KCND3: variants seen among roughly 807,000 people sequenced by gnomAD.
The protein encoded by KCND3 is A-type voltage-gated potassium channel KCND3.
Under a neutral mutation model 51.1 loss-of-function variants are expected in KCND3, and 9 were observed. The ratio of observed to expected loss-of-function variants is 0.18; its 90% confidence interval spans 0.11 to 0.31. The LOEUF is 0.31. Among genes scored for constraint, KCND3 ranks in the 10% least tolerant of loss-of-function variants. KCND3 has a pLI of 1.00. For missense variants in KCND3, 526 were observed against 903.8 expected, an observed-to-expected ratio of 0.58 and a Z score of 5.36; for synonymous variants, 349 against 368.0, an observed-to-expected ratio of 0.95 and a Z score of 0.59.
At chr1:111,915,743 A>G (rs528285402) in intron 2 of KCND3, among the ~76,000 whole-genome samples, 24 of 132,600 alleles carry the variant, frequency 1.8e-4, no homozygotes, top group Admixed American at 1.8e-3. Flanking sequence ...ACAAAGTGAG[A>G]CTCTGTCTCA....
At position 111,825,155 on chromosome 1, in the gene KCND3, A is replaced by G. The variant is rs538710678; in HGVS notation, c.1107-38049T>C. Among the ~76,000 whole-genome samples, 11 of 152,368 alleles carry G rather than the reference A, an allele frequency of 7.2e-5. No homozygotes were observed. The South Asian group carries it at 2.3e-3, about 32-fold the overall frequency. Reference sequence around the variant, plus strand: ...CATACACCACCTAAACTGCTTCAGCATTATTTGGAGTCATTCTGAGCCCAC... The same window carrying G: ...CATACACCACCTAAACTGCTTCAGCGTTATTTGGAGTCATTCTGAGCCCAC... On this transcript the variant is annotated intron_variant, in intron 2 of 7. Coordinates refer to ENST00000302127, the MANE Select transcript of KCND3 (RefSeq NM_001378969.1).
At chr1:111,841,694 GAGGCCACCACATAAGGGCAC>G (rs1667327119) in intron 2 of KCND3, among the ~76,000 whole-genome samples, 1 of 152,332 alleles carries the variant, frequency 6.6e-6, no homozygotes, top group South Asian at 2.1e-4. Flanking sequence ...TGCAGAAAAT[GAGGCCACCACATAAGGGCAC>G]AGGCCATATC....
chr1:111,974,229 G>A (rs2101970875), intron 2 of KCND3, among the ~76,000 whole-genome samples: 1 of 152,328 alleles, frequency 6.6e-6, no homozygotes, highest in East Asian at 1.9e-4. Flanking sequence ...GGTTGTGGCA[G>A]CTGAGCCTTC....
intron 2 of KCND3, among the ~76,000 whole-genome samples, chr1:111,821,275 C>T (rs1003873286): frequency 1.3e-5 from 2 of 152,138 alleles, no homozygotes; most frequent in African/African-American, 4.8e-5. Context: ...AAAGGCCCAG[C>T]GAGGTCATTT....
chr1:111,952,419 G>C (rs1322923025), intron 2 of KCND3, among the ~76,000 whole-genome samples: 10 of 152,268 alleles, frequency 6.6e-5, no homozygotes, highest in African/African-American at 2.4e-4. Flanking sequence ...CCTGAAGCTG[G>C]TGCAGGGGAA....
At chr1:111,785,268 T>C (rs1025761321) in intron 3 of KCND3, among the ~76,000 whole-genome samples, 4 of 152,150 alleles carry the variant, frequency 2.6e-5, no homozygotes, top group African/African-American at 9.7e-5. Context: ...CCCTTCAGGG[T>C]CTCTGGTTCC....
chr1:111,832,429 A>G (rs1666875399), intron 2 of KCND3, among the ~76,000 whole-genome samples: 1 of 152,222 alleles, frequency 6.6e-6, no homozygotes, highest in South Asian at 2.1e-4. Context: ...GACCAAAGCC[A>G]TCTGTAATAA....
At chr1:111,842,354 T>C (rs1053847115) in intron 2 of KCND3, among the ~76,000 whole-genome samples, 9 of 152,058 alleles carry the variant, frequency 5.9e-5, no homozygotes, top group Non-Finnish European at 1.3e-4. Context: ...AGCATCCCTG[T>C]GGGGAGCAGT....
At chr1:111,786,873 G>C in intron 3 of KCND3, 71 bp downstream of exon 3, 1 of 1,580,834 alleles carries the variant, frequency 6.3e-7, no homozygotes, top group Non-Finnish European at 8.7e-7. Flanking sequence ...AGGAGCTCTA[G>C]TCCTGGCTCC....
At chr1:111,784,699 T>C (rs563435968) in intron 3 of KCND3, among the ~76,000 whole-genome samples, 72 of 152,220 alleles carry the variant, frequency 4.7e-4, no homozygotes, top group Non-Finnish European at 7.1e-4. Context: ...GCATTTTTTT[T>C]CCCTCTTATA....
chr1:111,965,438 CCACACACACACACACACACA>C (rs56156826), intron 2 of KCND3, among the ~76,000 whole-genome samples: 3 of 72,418 alleles, frequency 4.1e-5, no homozygotes, highest in African/African-American at 9.9e-5. Context: ...GCCAGCAAAA[CCACACACACACACACACACA>C]CACACACACA....
At chr1:111,963,269 GC>G (rs1396011437) in intron 2 of KCND3, among the ~76,000 whole-genome samples, 9 of 152,310 alleles carry the variant, frequency 5.9e-5, no homozygotes, top group African/African-American at 2.2e-4. Flanking sequence ...CTGATTCAGA[GC>G]CCCACAAAGG....
intron 2 of KCND3, among the ~76,000 whole-genome samples, chr1:111,836,247 C>T (rs1162305275): frequency 6.6e-6 from 1 of 152,186 alleles, no homozygotes; most frequent in African/African-American, 2.4e-5. Context: ...CTGTCTGGAA[C>T]TGGGCACTGC....
At chr1:111,933,452 AC>A (rs1339698820) in intron 2 of KCND3, among the ~76,000 whole-genome samples, 7 of 152,066 alleles carry the variant, frequency 4.6e-5, no homozygotes, top group Non-Finnish European at 1.0e-4. Context: ...AGAAAAACTT[AC>A]CCCTACCATT....
chr1:111,870,757 C>T (rs763428603), intron 2 of KCND3, among the ~76,000 whole-genome samples: 85 of 152,322 alleles, frequency 5.6e-4, no homozygotes, highest in Non-Finnish European at 1.2e-3. Context: ...GAGGTACCTC[C>T]ATCCAATCAC....
At chr1:111,829,599 C>G (rs889946792) in intron 2 of KCND3, among the ~76,000 whole-genome samples, 3 of 152,144 alleles carry the variant, frequency 2.0e-5, no homozygotes, top group Admixed American at 6.5e-5. Context: ...TAAGTGTCCC[C>G]GGTCTCACTC....
intron 2 of KCND3, among the ~76,000 whole-genome samples, chr1:111,896,964 AT>A (rs1557704790): frequency 6.6e-6 from 1 of 152,184 alleles, no homozygotes; most frequent in East Asian, 1.9e-4. Flanking sequence ...CTTAGTCACT[AT>A]TATTATGACC....
intron 2 of KCND3, among the ~76,000 whole-genome samples, chr1:111,822,325 A>G (rs1030519207): frequency 6.6e-6 from 1 of 152,012 alleles, no homozygotes; most frequent in Non-Finnish European, 1.5e-5. Flanking sequence ...GCCACCATCC[A>G]TCTCCAGAGC....
chr1:111,957,898 A>G (rs1336859078), intron 2 of KCND3, among the ~76,000 whole-genome samples: 1 of 152,226 alleles, frequency 6.6e-6, no homozygotes, highest in African/African-American at 2.4e-5. Flanking sequence ...CCTTTACAAA[A>G]TAAGTTTGTT....
Sources: gnomAD v4.1 joint callset for allele counts (sites outside exome capture counted in the v4.1 genomes callset) on GRCh38, gnomAD v4.1.1 for gene constraint, MANE v1.5 for transcripts, NCBI Gene and HGNC (gene_info 2026-07-23, HGNC 2026-07-21) for gene names.